KLHL2: variants seen among roughly 807,000 people sequenced by gnomAD.
KLHL2 encodes kelch like family member 2.
KLHL2 carries 15 observed loss-of-function variants against 75.8 expected under a neutral mutation model. The observed-to-expected ratio is 0.20, with a 90% CI of 0.13 to 0.30. KLHL2 has a LOEUF of 0.30. Ranked by LOEUF, KLHL2 falls within the 10% of genes least tolerant of loss-of-function variation. KLHL2 has a pLI of 1.00. For missense variants in KLHL2, 381 were observed against 741.0 expected (o/e 0.51, Z 5.64); for synonymous variants, 214 against 251.9 (o/e 0.85, Z 1.42).
At chr4:165,273,058 A>G (rs1742817650) in intron 5 of KLHL2, among the ~76,000 whole-genome samples, 1 of 152,190 alleles carries the variant, frequency 6.6e-6, no homozygotes, top group Non-Finnish European at 1.5e-5. Context: ...ATCTTTCATT[A>G]TGAAAAATTG....
chr4:165,290,522 A>C (rs1046605409), intron 5 of KLHL2, among the ~76,000 whole-genome samples: 1 of 152,230 alleles, frequency 6.6e-6, no homozygotes, highest in Non-Finnish European at 1.5e-5. Flanking sequence ...AAACTCAACT[A>C]TTGAAAAAGT....
chr4:165,264,753 T>A (rs1178760360), intron 5 of KLHL2, among the ~76,000 whole-genome samples: 1 of 81,672 alleles, frequency 1.2e-5, no homozygotes, highest in Non-Finnish European at 2.5e-5. Context: ...TATATATATA[T>A]ATATATATAT....
chr4:165,321,528 C>T (rs1033174714), intron 14 of KLHL2, among the ~76,000 whole-genome samples: 4 of 152,088 alleles, frequency 2.6e-5, no homozygotes, highest in East Asian at 3.8e-4. Context: ...ATCAGTAAGG[C>T]GTTTGGTCAA....
intron 4 of KLHL2, among the ~76,000 whole-genome samples, chr4:165,260,920 A>T (rs1331769713): frequency 6.6e-6 from 1 of 152,210 alleles, no homozygotes; most frequent in African/African-American, 2.4e-5. Context: ...TTGGACCAAT[A>T]TGTGCTCCCA....
At chr4:165,262,635 G>A (rs1741784133) in intron 4 of KLHL2, among the ~76,000 whole-genome samples, 1 of 152,124 alleles carries the variant, frequency 6.6e-6, no homozygotes. Flanking sequence ...ATGGAGTGCT[G>A]TGGGGTGATC....
intron 1 of KLHL2, among the ~76,000 whole-genome samples, chr4:165,216,861 C>G (rs943919502): frequency 6.6e-6 from 1 of 152,086 alleles, no homozygotes; most frequent in Non-Finnish European, 1.5e-5. Flanking sequence ...TTACTTATTC[C>G]TTTAAGCCTT....
At chr4:165,270,188 C>T (rs900174341) in intron 5 of KLHL2, among the ~76,000 whole-genome samples, 2 of 152,166 alleles carry the variant, frequency 1.3e-5, no homozygotes, top group African/African-American at 4.8e-5. Flanking sequence ...TTAAGGTCTT[C>T]TCTACACTGT....
chr4:165,241,587 C>A (rs1739820755), intron 4 of KLHL2, among the ~76,000 whole-genome samples: 1 of 152,012 alleles, frequency 6.6e-6, no homozygotes, highest in Admixed American at 6.5e-5. Flanking sequence ...CAGGTGACCT[C>A]CCTTTTGAAA....
chr4:165,251,903 C>G (rs1445903480), intron 4 of KLHL2, among the ~76,000 whole-genome samples: 4 of 152,188 alleles, frequency 2.6e-5, no homozygotes, highest in African/African-American at 9.7e-5. Flanking sequence ...GCCACCGCGC[C>G]CGGCCCCAAA....
At chr4:165,276,750 T>G (rs1273729962) in intron 5 of KLHL2, among the ~76,000 whole-genome samples, 2 of 152,172 alleles carry the variant, frequency 1.3e-5, no homozygotes, top group African/African-American at 2.4e-5. Context: ...TTGATAACAT[T>G]TGAACTGAAA....
In KLHL2 at chr4:165,297,629, A is replaced by G. The variant is rs1206684119; in HGVS notation, c.675A>G (p.Ala225=). 3 of 1,611,918 alleles carry G rather than the reference A, an allele frequency of 1.9e-6. No homozygotes were observed. The highest frequency in any genetic ancestry group is 1.3e-5 in the African/African-American group (1 of 74,896). The change falls in exon 7 of 15, where the codon GCA becomes GCG. Residue 225 remains alanine (A), a synonymous_variant. Transcript: ENST00000226725. The stretch of plus-strand genomic sequence containing the variant: ...GCAAGGTATTTGAAGCAGTAATAGC[A>G]TGGGTGAACCATGACAAGGATGTGA... ...SEEKVFEAVI[A]WVNHDKDVRQ...
chr4:165,309,390 A>G (rs1745978087), intron 9 of KLHL2, among the ~76,000 whole-genome samples: 2 of 152,190 alleles, frequency 1.3e-5, no homozygotes, highest in South Asian at 4.1e-4. Context: ...AGCAGCATGA[A>G]AAAAGTTGAG....
chr4:165,237,113 G>A (rs1463762480), intron 3 of KLHL2, among the ~76,000 whole-genome samples: 2 of 150,462 alleles, frequency 1.3e-5, no homozygotes, highest in Non-Finnish European at 3.0e-5. Flanking sequence ...AAGTCCAAGT[G>A]GGAATCACCA....
intron 5 of KLHL2, among the ~76,000 whole-genome samples, chr4:165,281,697 G>T (rs1484033431): frequency 6.6e-6 from 1 of 152,144 alleles, no homozygotes; most frequent in African/African-American, 2.4e-5. Context: ...TTCCTAGAGG[G>T]AAACAGAAAA....
At position 165,317,917 on chromosome 4, in the gene KLHL2, C is replaced by G. The variant is rs373534091; in HGVS notation, c.1701C>G (p.Thr567=). 1.2e-6 allele frequency: 2 copies of G among 1,613,368 alleles called. No individual in the cohort carries two copies. Among genetic ancestry groups the G allele is most frequent in the East Asian group, 4.5e-5 (2 of 44,866 alleles). The change falls in exon 14 of 15, where the codon ACC becomes ACG. Residue 567 remains threonine (T), a synonymous_variant. Transcript: ENST00000226725. ...LASVEYYNPT[T]DKWTVVSSCM... The stretch of plus-strand genomic sequence containing the variant: ...CAGTAGAATATTATAACCCAACAAC[C>G]GATAAATGGACAGTTGTGTCATCGT...
intron 1 of KLHL2, among the ~76,000 whole-genome samples, chr4:165,214,032 C>G (rs552749155): frequency 6.6e-6 from 1 of 152,202 alleles, no homozygotes; most frequent in African/African-American, 2.4e-5. Flanking sequence ...GTCTGAAGCC[C>G]AGAGAGGCTA....
chr4:165,262,146 T>G (rs1418424100), intron 4 of KLHL2, among the ~76,000 whole-genome samples: 2 of 152,214 alleles, frequency 1.3e-5, no homozygotes, highest in Non-Finnish European at 2.9e-5. Context: ...TGAAAAGCAC[T>G]TGTAGTGTTG....
intron 6 of KLHL2, among the ~76,000 whole-genome samples, chr4:165,296,909 C>T (rs2126504266): frequency 6.6e-6 from 1 of 151,218 alleles, no homozygotes; most frequent in South Asian, 2.1e-4. Flanking sequence ...TACCTCCATT[C>T]TGTTCATTCT....
chr4:165,211,265 C>T (rs114439795), intron 1 of KLHL2, among the ~76,000 whole-genome samples: 1,643 of 152,290 alleles, frequency 0.011, 23 homozygotes, highest in African/African-American at 0.035. Context: ...GATCAACTAT[C>T]ACCATCTTTT....
Sources: allele counts gnomAD v4.1 joint callset (sites outside exome capture counted in the v4.1 genomes callset), GRCh38; gene constraint gnomAD v4.1.1; transcripts MANE v1.5; gene names NCBI Gene and HGNC (gene_info 2026-07-23, HGNC 2026-07-21).